Variants in ZNF385C observed in about 807,000 individuals in gnomAD.
The protein encoded by ZNF385C is zinc finger protein 385C.
In ZNF385C, 28 loss-of-function variants were observed where a neutral mutation model predicts 35.4. The observed-to-expected ratio is 0.79, with a 90% CI of 0.59 to 1.08. ZNF385C has a LOEUF of 1.08. ZNF385C is among the 50% of genes least tolerant of loss of function. The pLI, the probability that ZNF385C is intolerant of heterozygous loss-of-function variation, is 0.00. For missense variants in ZNF385C, 605 were observed against 595.6 expected, an observed-to-expected ratio of 1.02 and a Z score of -0.16; for synonymous variants, 248 against 248.2, an observed-to-expected ratio of 1.00 and a Z score of 0.01.
intron 1 of ZNF385C, among the ~76,000 whole-genome samples, chr17:42,093,591 T>A (rs1180927829): frequency 2.0e-5 from 3 of 151,396 alleles, no homozygotes; most frequent in Non-Finnish European, 2.9e-5. Flanking sequence ...ATTTATTTTT[T>A]TTTTTTTGAG....
chr17:42,080,049 C>T (rs2053732087), intron 1 of ZNF385C, among the ~76,000 whole-genome samples: 1 of 152,216 alleles, frequency 6.6e-6, no homozygotes, highest in African/African-American at 2.4e-5. Flanking sequence ...CTTCATCCAG[C>T]TTGGCAGAGC....
intron 1 of ZNF385C, among the ~76,000 whole-genome samples, chr17:42,092,079 C>G (rs1297452523): frequency 2.0e-5 from 3 of 152,194 alleles, no homozygotes; most frequent in Non-Finnish European, 4.4e-5. Flanking sequence ...TTCCTTTGCT[C>G]TCTGAGCTTT....
chr17:42,048,524 G>A (rs781842224), intron 2 of ZNF385C, among the ~76,000 whole-genome samples: 5 of 152,214 alleles, frequency 3.3e-5, no homozygotes, highest in African/African-American at 1.2e-4. Context: ...GCCACCCTGG[G>A]TGACACAGCG....
intron 5 of ZNF385C, among the ~76,000 whole-genome samples, chr17:42,030,142 GATGA>G (rs1364025818): frequency 6.6e-6 from 1 of 152,056 alleles, no homozygotes; most frequent in Admixed American, 6.6e-5. Flanking sequence ...CAAAAACATG[GATGA>G]ATCTTACAGA....
intron 1 of ZNF385C, among the ~76,000 whole-genome samples, chr17:42,093,077 C>T (rs1211113668): frequency 6.6e-6 from 1 of 152,192 alleles, no homozygotes; most frequent in Non-Finnish European, 1.5e-5. Context: ...CCAACACAGC[C>T]GCTCCTGTGC....
chr17:42,091,978 C>G (rs1206580281), intron 1 of ZNF385C, among the ~76,000 whole-genome samples: 5 of 152,104 alleles, frequency 3.3e-5, no homozygotes, highest in African/African-American at 1.2e-4. Flanking sequence ...AGGAGCAGCT[C>G]CAGCATGGTC....
chr17:42,085,265 G>A (rs1365926280), intron 1 of ZNF385C, among the ~76,000 whole-genome samples: 2 of 151,894 alleles, frequency 1.3e-5, no homozygotes, highest in South Asian at 4.1e-4. Context: ...GACCCTGTCT[G>A]CAAAACATTT....
chr17:42,054,535 C>T (rs936061403), intron 2 of ZNF385C, among the ~76,000 whole-genome samples: 2 of 150,724 alleles, frequency 1.3e-5, no homozygotes, highest in Non-Finnish European at 1.5e-5. Flanking sequence ...GCTATCTGGG[C>T]GATGCCAGGA....
intron 3 of ZNF385C, 34 bp downstream of exon 3, chr17:42,037,703 T>A: frequency 6.8e-7 from 1 of 1,479,606 alleles, no homozygotes; most frequent in Non-Finnish European, 9.0e-7. Flanking sequence ...CACAAGCTTG[T>A]GTGCATGCCC....
intron 1 of ZNF385C, among the ~76,000 whole-genome samples, chr17:42,087,858 A>T (rs1225845168): frequency 6.6e-6 from 1 of 152,198 alleles, no homozygotes; most frequent in Non-Finnish European, 1.5e-5. Context: ...TAACCAATAT[A>T]CTGTTACAGC....
At chr17:42,057,749 G>A (rs1260585031) in intron 2 of ZNF385C, among the ~76,000 whole-genome samples, 1 of 152,078 alleles carries the variant, frequency 6.6e-6, no homozygotes, top group Non-Finnish European at 1.5e-5. Flanking sequence ...TTTGAGACCA[G>A]CCTGGCCAAT....
intron 2 of ZNF385C, chr17:42,038,666 C>T (rs1166565950): frequency 6.6e-6 from 1 of 151,982 alleles, no homozygotes; most frequent in Non-Finnish European, 1.5e-5. Flanking sequence ...CATTGCAAAA[C>T]CAAAAGTAGT....
At chr17:42,083,452 C>T (rs1555659889) in intron 1 of ZNF385C, among the ~76,000 whole-genome samples, 1 of 151,916 alleles carries the variant, frequency 6.6e-6, no homozygotes, top group African/African-American at 2.4e-5. Context: ...CATGATCCAC[C>T]CACCTCGGCC....
At chr17:42,055,886 T>A (rs906905679) in intron 2 of ZNF385C, among the ~76,000 whole-genome samples, 3 of 152,118 alleles carry the variant, frequency 2.0e-5, no homozygotes, top group Non-Finnish European at 2.9e-5. Flanking sequence ...GGTCTGAGGA[T>A]GCAGAGTAGG....
chr17:42,028,147 C>G lies in ZNF385C; in HGVS notation c.1067G>C (p.Arg356Thr), dbSNP rs2052638384. The change falls in exon 7 of 9, where the codon AGA becomes ACA. Residue 356 changes from arginine (R) to threonine (T), a missense_variant. Physicochemically the swap from Arg to Thr is moderately conservative, Grantham distance 71. Transcript: ENST00000692273. ...CCGGCCGCCCCGGCCCCCTGTGACT[C>G]TCTTGGCTTTGTGTCCGGCACCTCC... ...SRGGAGHKAK[R>T]VTGGRGGRQG... The G allele has an allele frequency of 1.2e-6, 2 of 1,611,088 alleles. No individual in the cohort carries two copies. Among genetic ancestry groups the G allele is most frequent in the South Asian group, 1.1e-5 (1 of 90,946 alleles).
chr17:42,030,890 C>A (rs2052712471), intron 5 of ZNF385C, among the ~76,000 whole-genome samples: 1 of 152,146 alleles, frequency 6.6e-6, no homozygotes, highest in African/African-American at 2.4e-5. Flanking sequence ...GGAATACTGG[C>A]AGCCACCAAA....
At position 42,027,702 on chromosome 17, in the gene ZNF385C, G is replaced by A; in HGVS notation, c.1191C>T (p.Asp397=). ...GCTTGGGGGTCTTCCCGGCCAGGCG[G>A]TCTTTGTGCCTCCTGCTGCTCATGT... ...KQHMSSRRHK[D]RLAGKTPKPS... is the part of the protein sequence containing the mutation. The change falls in exon 8 of 9, where the codon GAC becomes GAT. Residue 397 remains aspartate (D), a synonymous_variant. Transcript: ENST00000692273. 6.2e-7 allele frequency: 1 copy of A among 1,612,976 alleles called. No individual in the cohort carries two copies. Among genetic ancestry groups the A allele is most frequent in the East Asian group, 2.2e-5 (1 of 44,814 alleles).
At position 42,078,928 on chromosome 17, in the gene ZNF385C, G is replaced by A. The variant is rs189583644; in HGVS notation, c.-2-15870C>T. Among the ~76,000 whole-genome samples the A allele has an allele frequency of 4.7e-3, 718 of 152,174 alleles. 9 individuals are homozygous for A. The highest frequency in any genetic ancestry group is 4.0e-3 in the Non-Finnish European group (275 of 68,016). ...ACTTCGCCACTAATCGTGTGACTGG[G>A]AACTTGTCCCTTCTCTTCACATCTT... On this transcript the variant is annotated intron_variant, in intron 1 of 8. Coordinates refer to ENST00000692273, the MANE Select transcript of ZNF385C (RefSeq NM_001392013.1).
intron 2 of ZNF385C, chr17:42,039,840 G>A (rs1376598288): frequency 8.1e-7 from 1 of 1,231,806 alleles, no homozygotes; most frequent in Non-Finnish European, 1.0e-6. Flanking sequence ...GGCCTTCCCC[G>A]GCCCCACTCT....
Sources: allele counts gnomAD v4.1 joint callset (sites outside exome capture counted in the v4.1 genomes callset), GRCh38; gene constraint gnomAD v4.1.1; transcripts MANE v1.5; gene names NCBI Gene and HGNC (gene_info 2026-07-23, HGNC 2026-07-21).